Variants in XRRA1 observed in about 807,000 individuals in gnomAD.
The protein encoded by XRRA1 is X-ray radiation resistance-associated protein 1.
In XRRA1, 69 loss-of-function variants were observed where a neutral mutation model predicts 80.2. The observed-to-expected ratio is 0.86, with a 90% CI of 0.71 to 1.05. The LOEUF (loss-of-function observed/expected upper bound fraction) is 1.05, where lower values mean the gene tolerates loss of function less well. Among genes scored for constraint, XRRA1 ranks in the 50% least tolerant of loss-of-function variants. The pLI, the probability that XRRA1 is intolerant of heterozygous loss-of-function variation, is 0.00. For missense variants in XRRA1, 967 were observed against 976.4 expected (o/e 0.99, Z 0.13); for synonymous variants, 348 against 389.9 (o/e 0.89, Z 1.27).
At chr11:74,947,590 C>T (rs1947849166) in intron 1 of XRRA1, among the ~76,000 whole-genome samples, 1 of 152,052 alleles carries the variant, frequency 6.6e-6, no homozygotes, top group East Asian at 1.9e-4. Flanking sequence ...TATCATCTCA[C>T]TTTATTTTAA....
intron 10 of XRRA1, among the ~76,000 whole-genome samples, chr11:74,880,147 GTTA>G: frequency 6.6e-6 from 1 of 152,232 alleles, no homozygotes. Context: ...TTCAGCTCCT[GTTA>G]TTGGTCTATT....
intron 10 of XRRA1, among the ~76,000 whole-genome samples, chr11:74,885,621 G>A (rs975854738): frequency 1.3e-5 from 2 of 152,142 alleles, no homozygotes; most frequent in African/African-American, 2.4e-5. Flanking sequence ...CAGAGTCATA[G>A]CCAAATTCTA....
At chr11:74,886,821 A>G (rs2049152617) in intron 10 of XRRA1, among the ~76,000 whole-genome samples, 1 of 152,240 alleles carries the variant, frequency 6.6e-6, no homozygotes, top group South Asian at 2.1e-4. Flanking sequence ...AAACTATACT[A>G]CAAGGCTACA....
At chr11:74,861,977 G>T (rs1242233205) in intron 11 of XRRA1, among the ~76,000 whole-genome samples, 1 of 152,220 alleles carries the variant, frequency 6.6e-6, no homozygotes. Flanking sequence ...AAACTCAGGG[G>T]TCAGCGTCAG....
chr11:74,907,820 G>C (rs61671395), intron 8 of XRRA1, among the ~76,000 whole-genome samples: 38,680 of 152,052 alleles, frequency 0.25, 5,843 homozygotes, highest in East Asian at 0.53. Flanking sequence ...GAACACATGA[G>C]TAAGGAGTGG....
At chr11:74,913,039 T>C (rs1267008087) in intron 8 of XRRA1, among the ~76,000 whole-genome samples, 1 of 152,202 alleles carries the variant, frequency 6.6e-6, no homozygotes, top group Non-Finnish European at 1.5e-5. Context: ...GATGGAAGAA[T>C]GAAAATTTAG....
At chr11:74,946,558 G>A (rs186108878) in intron 1 of XRRA1, among the ~76,000 whole-genome samples, 12 of 152,218 alleles carry the variant, frequency 7.9e-5, no homozygotes, top group South Asian at 2.1e-4. Context: ...ATGCAGAACC[G>A]TGAGTCAATT....
intron 10 of XRRA1, among the ~76,000 whole-genome samples, chr11:74,904,755 A>G (rs556842610): frequency 1.3e-5 from 2 of 152,178 alleles, no homozygotes; most frequent in African/African-American, 2.4e-5. Context: ...ATAAATATTC[A>G]TATCAAACAA....
intron 10 of XRRA1, among the ~76,000 whole-genome samples, chr11:74,870,292 T>G (rs1326331933): frequency 6.6e-6 from 1 of 151,968 alleles, no homozygotes; most frequent in Non-Finnish European, 1.5e-5. Context: ...CTGGAAGAGG[T>G]CCAGAGGCAA....
chr11:74,935,041 G>C (rs1944597706), intron 4 of XRRA1, among the ~76,000 whole-genome samples: 1 of 152,208 alleles, frequency 6.6e-6, no homozygotes, highest in Non-Finnish European at 1.5e-5. Flanking sequence ...AATAAGTCGT[G>C]ATCTGTGTAA....
chr11:74,945,013 CTTACT>C lies in XRRA1; in HGVS notation c.-5_-5+4del, dbSNP rs1387417036. The stretch of plus-strand genomic sequence containing the variant: ...GACCTGGCTTCAGGTCTCCAGAGTA[CTTACT>C]TGATCTTTGACTTTGGGAATGGCCC... On this transcript the variant is annotated splice_donor_variant and splice_donor_region_variant and 5_prime_UTR_variant and intron_variant, in exon 2 of 19. Coordinates refer to ENST00000684022, the MANE Select transcript of XRRA1 (RefSeq NM_001378157.1). LOFTEE classifies it low-confidence loss of function (5UTR_SPLICE). 1 of 152,384 alleles carries C rather than the reference CTTACT, an allele frequency of 6.6e-6. No homozygotes were observed. Among genetic ancestry groups the C allele is most frequent in the Non-Finnish European group, 1.5e-5 (1 of 68,000 alleles). The allele number at this position is 152,384 out of a possible 1,614,324, so 9.4% of individuals were successfully genotyped here.
intron 9 of XRRA1, 121 bp from the exon 10 acceptor site, chr11:74,906,577 G>A (rs371581702): frequency 3.5e-5 from 39 of 1,101,236 alleles, no homozygotes; most frequent in Admixed American, 7.8e-5. Flanking sequence ...CTTGTGTGAC[G>A]TTGAGCCGGT....
chr11:74,843,641 T>G (rs750732501), intron 18 of XRRA1, 188 bp from the exon 19 acceptor site: 1 of 865,778 alleles, frequency 1.2e-6, no homozygotes. Context: ...ATTGACTCTA[T>G]CTTAAGCCCT....
chr11:74,925,536 A>G (rs1307020526), intron 7 of XRRA1, among the ~76,000 whole-genome samples: 2 of 151,504 alleles, frequency 1.3e-5, no homozygotes, highest in Admixed American at 1.3e-4. Flanking sequence ...AATCACAGAT[A>G]GATGAAAACA....
chr11:74,843,640 A>G (rs1055297063), intron 18 of XRRA1, 187 bp from the exon 19 acceptor site: 3 of 870,170 alleles, frequency 3.4e-6, no homozygotes, highest in Non-Finnish European at 5.2e-6. Flanking sequence ...CATTGACTCT[A>G]TCTTAAGCCC....
chr11:74,883,848 G>A (rs2048353105), intron 10 of XRRA1, among the ~76,000 whole-genome samples: 2 of 152,322 alleles, frequency 1.3e-5, no homozygotes, highest in South Asian at 4.1e-4. Context: ...GGCAGATAGT[G>A]AGGGTAAAAG....
In XRRA1 at chr11:74,851,729, G is replaced by A. The variant is rs899116302; in HGVS notation, c.1264+260C>T. 4.6e-5 allele frequency among the ~76,000 whole-genome samples: 7 copies of A among 152,212 alleles called. No individual in the cohort carries two copies. In the South Asian group the frequency reaches 1.2e-3, roughly 27 times the overall value. Reference sequence around the variant, plus strand: ...TTCCCAACTCAGACTCTTTCTTGCTGTGTGACCTTGGGCAGATCATGAACC... The same window carrying A: ...TTCCCAACTCAGACTCTTTCTTGCTATGTGACCTTGGGCAGATCATGAACC... On this transcript the variant is annotated intron_variant, in intron 13 of 18. Transcript: ENST00000684022.
chr11:74,874,456 A>C (rs2045625681), intron 10 of XRRA1, among the ~76,000 whole-genome samples: 1 of 152,140 alleles, frequency 6.6e-6, no homozygotes, highest in East Asian at 1.9e-4. Context: ...GGACCAGCTC[A>C]ACAGCCAGTG....
At chr11:74,871,602 T>C (rs76339593) in intron 10 of XRRA1, among the ~76,000 whole-genome samples, 1,847 of 152,252 alleles carry the variant, frequency 0.012, 17 homozygotes, top group Middle Eastern at 0.034. Context: ...AGGCAGCTAT[T>C]GAGTGTCCCG....
Sources: gnomAD v4.1 joint callset for allele counts (sites outside exome capture counted in the v4.1 genomes callset) on GRCh38, gnomAD v4.1.1 for gene constraint, MANE v1.5 for transcripts, NCBI Gene and HGNC (gene_info 2026-07-23, HGNC 2026-07-21) for gene names.